Variants in HPSE2 observed in about 807,000 individuals in gnomAD.
HPSE2 encodes the protein inactive heparanase-2.
A neutral mutation model predicts 60.5 loss-of-function variants in HPSE2; 38 were observed. That is an observed-to-expected ratio of 0.63 (90% CI 0.48 to 0.82). The LOEUF (loss-of-function observed/expected upper bound fraction) is 0.82, where lower values mean the gene tolerates loss of function less well. Among genes scored for constraint, HPSE2 ranks in the 40% least tolerant of loss-of-function variants. The pLI, the probability that HPSE2 is intolerant of heterozygous loss-of-function variation, is 0.00. For synonymous variants in HPSE2, 295 were observed against 293.2 expected (o/e 1.01, Z -0.06); for missense variants, 713 against 740.4 (o/e 0.96, Z 0.43).
At chr10:99,218,981 AC>A (rs1208686674) in intron 2 of HPSE2, among the ~76,000 whole-genome samples, 1 of 152,202 alleles carries the variant, frequency 6.6e-6, no homozygotes, top group African/African-American at 2.4e-5. Flanking sequence ...CTGAGAGATA[AC>A]CAAAGATTTA....
intron 9 of HPSE2, among the ~76,000 whole-genome samples, chr10:98,526,250 T>C (rs1486257644): frequency 6.6e-6 from 1 of 152,216 alleles, no homozygotes; most frequent in Non-Finnish European, 1.5e-5. Context: ...AAGGTCTAGA[T>C]AGAATCTTTG....
At chr10:98,767,428 T>C (rs1435739474) in intron 3 of HPSE2, among the ~76,000 whole-genome samples, 3 of 151,302 alleles carry the variant, frequency 2.0e-5, no homozygotes, top group Non-Finnish European at 2.9e-5. Flanking sequence ...GGTTAAGACA[T>C]ACAAAATAGT....
At chr10:99,250,851 C>T in the HPSE2 span, among the ~76,000 whole-genome samples, 6 of 152,004 alleles carry the variant, frequency 3.9e-5, no homozygotes, top group African/African-American at 1.4e-4. Context: ...TGAGTTGTAT[C>T]AAAAGCAATA....
At chr10:98,995,871 T>C (rs982968095) in intron 3 of HPSE2, among the ~76,000 whole-genome samples, 1 of 152,076 alleles carries the variant, frequency 6.6e-6, no homozygotes, top group African/African-American at 2.4e-5. Flanking sequence ...GAAAAGGTGA[T>C]CATGATTAGT....
chr10:99,190,720 T>C (rs960095879), intron 2 of HPSE2, among the ~76,000 whole-genome samples: 13 of 152,116 alleles, frequency 8.5e-5, no homozygotes, highest in African/African-American at 2.7e-4. Flanking sequence ...GAACACCAAA[T>C]TGAACAACTA....
intron 9 of HPSE2, among the ~76,000 whole-genome samples, chr10:98,545,537 G>C (rs1460764808): frequency 6.6e-6 from 1 of 152,124 alleles, no homozygotes; most frequent in Admixed American, 6.5e-5. Context: ...CATATAAACA[G>C]AACCAAAGAC....
intron 2 of HPSE2, among the ~76,000 whole-genome samples, chr10:99,153,510 A>G (rs371817601): frequency 6.6e-6 from 1 of 151,988 alleles, no homozygotes; most frequent in African/African-American, 2.4e-5. Flanking sequence ...CTCACACGGC[A>G]GGGTATTCCA....
chr10:99,272,054 C>T, the HPSE2 span, among the ~76,000 whole-genome samples: 2 of 152,084 alleles, frequency 1.3e-5, no homozygotes, highest in African/African-American at 2.4e-5. Context: ...AGGTGGATCA[C>T]GAAGTCAGGA....
chr10:99,121,357 T>G (rs1013836283), intron 3 of HPSE2, among the ~76,000 whole-genome samples: 1 of 152,082 alleles, frequency 6.6e-6, no homozygotes, highest in South Asian at 2.1e-4. Flanking sequence ...GTTTAATACC[T>G]CGGTGATCAA....
At chr10:98,956,469 T>C (rs1655010369) in intron 3 of HPSE2, among the ~76,000 whole-genome samples, 1 of 152,152 alleles carries the variant, frequency 6.6e-6, no homozygotes, top group African/African-American at 2.4e-5. Context: ...AAAAGAAGCA[T>C]AGAGGTAGAT....
At chr10:98,819,338 T>C (rs1447427035) in intron 3 of HPSE2, among the ~76,000 whole-genome samples, 1 of 151,960 alleles carries the variant, frequency 6.6e-6, no homozygotes, top group African/African-American at 2.4e-5. Context: ...TGAAAAAAAA[T>C]GCAAATGGTA....
At chr10:98,930,721 T>TGATGGCCA (rs1361671882) in intron 3 of HPSE2, among the ~76,000 whole-genome samples, 34 of 141,048 alleles carry the variant, frequency 2.4e-4, no homozygotes, top group Non-Finnish European at 4.0e-4. Context: ...TTGATTTCTC[T>TGATGGCCA]GTGATGTTGA....
At chr10:99,202,826 G>C (rs1848620619) in intron 2 of HPSE2, among the ~76,000 whole-genome samples, 1 of 151,988 alleles carries the variant, frequency 6.6e-6, no homozygotes, top group Non-Finnish European at 1.5e-5. Context: ...ATAGCACCTA[G>C]GCATAGCACA....
At chr10:99,308,696 C>G in the HPSE2 span, among the ~76,000 whole-genome samples, 2 of 152,058 alleles carry the variant, frequency 1.3e-5, no homozygotes. Flanking sequence ...TCATTCTATT[C>G]ATAGAATTCT....
chr10:98,550,181 C>T (rs1165645709), intron 9 of HPSE2, among the ~76,000 whole-genome samples: 3 of 152,204 alleles, frequency 2.0e-5, no homozygotes, highest in Non-Finnish European at 4.4e-5. Context: ...ACCTTACAGC[C>T]TGTGTTACCT....
chr10:99,220,335 T>C (rs527776612), intron 2 of HPSE2, among the ~76,000 whole-genome samples: 2 of 152,262 alleles, frequency 1.3e-5, no homozygotes, highest in African/African-American at 4.8e-5. Context: ...CATATATTCT[T>C]TACCCACTGA....
intron 7 of HPSE2, 136 bp downstream of exon 7, chr10:98,641,711 G>C: frequency 1.3e-6 from 1 of 755,156 alleles, no homozygotes; most frequent in South Asian, 1.4e-5. Context: ...TTGTGACCAT[G>C]CCCATCTAGA....
At chr10:98,592,419 C>T (rs1233828497) in intron 9 of HPSE2, among the ~76,000 whole-genome samples, 1 of 152,162 alleles carries the variant, frequency 6.6e-6, no homozygotes, top group African/African-American at 2.4e-5. Flanking sequence ...AACAAAAATC[C>T]TCTATTTCTG....
intron 6 of HPSE2, among the ~76,000 whole-genome samples, chr10:98,688,101 T>C (rs987948093): frequency 6.6e-6 from 1 of 152,150 alleles, no homozygotes; most frequent in Non-Finnish European, 1.5e-5. Flanking sequence ...CTTTTTGTCA[T>C]TATTTTTAAA....
Sources: allele counts gnomAD v4.1 joint callset (sites outside exome capture counted in the v4.1 genomes callset), GRCh38; gene constraint gnomAD v4.1.1; transcripts MANE v1.5; gene names NCBI Gene and HGNC (gene_info 2026-07-23, HGNC 2026-07-21).